Variants in HGFAC observed in about 807,000 individuals in gnomAD.
HGFAC encodes hepatocyte growth factor activator serine protease.
Under a neutral mutation model 70.6 loss-of-function variants are expected in HGFAC, and 76 were observed. That is an observed-to-expected ratio of 1.08 (90% CI 0.89 to 1.30). HGFAC has a LOEUF of 1.30. HGFAC is among the 50% of genes most tolerant of loss of function. HGFAC has a pLI of 0.00. For synonymous variants in HGFAC, 464 were observed against 405.3 expected, an observed-to-expected ratio of 1.14 and a Z score of -1.74; for missense variants, 1,044 against 933.7, an observed-to-expected ratio of 1.12 and a Z score of -1.54.
rs754747260 is a variant in HGFAC, at chr4:3,448,253, G to A, written c.1762G>A (p.Asp588Asn). Reference sequence around the variant, plus strand: ...CAACATGCTCTGTGCCGGCTACTTCGACTGCAAGTCCGACGCCTGCCAGGT... The same window carrying A: ...CAACATGCTCTGTGCCGGCTACTTCAACTGCAAGTCCGACGCCTGCCAGGT... Reference protein sequence around the residue: ...SPNMLCAGYFDCKSDACQGDS... With the variant: ...SPNMLCAGYFNCKSDACQGDS... The change falls in exon 13 of 14, where the codon GAC becomes AAC. Residue 588 changes from aspartate to asparagine, a missense_variant. Asp to Asn is a conservative substitution (Grantham distance 23). Coordinates refer to ENST00000382774, the MANE Select transcript of HGFAC (RefSeq NM_001528.4). 5.0e-6 allele frequency: 8 copies of A among 1,606,576 alleles called. No homozygotes were observed. The highest frequency in any genetic ancestry group is 1.7e-5 in the Admixed American group (1 of 59,728).
rs780853328 is a variant in HGFAC at position 3,444,808 on chromosome 4, T to C, written c.842-11T>C. ...CACCGTGGGCCGGCCTCACTGCCCC[T>C]CTGCCCGCAGAGCCTGATGAGCGCT... On this transcript the variant is annotated splice_polypyrimidine_tract_variant and intron_variant, in intron 7 of 13. Transcript: ENST00000382774. 3 of 1,587,076 alleles carry C rather than the reference T, an allele frequency of 1.9e-6. No individual in the cohort carries two copies. In the Admixed American group the frequency reaches 5.1e-5, roughly 27 times the overall value.
chr4:3,446,422 C>G (rs1725518071), intron 10 of HGFAC, 128 bp downstream of exon 10: 2 of 1,218,542 alleles, frequency 1.6e-6, no homozygotes, highest in Admixed American at 2.4e-5. Flanking sequence ...CCCGGGGTCC[C>G]CGGTAACCCT....
Position 3,442,866 on chromosome 4 carries a change from GC to G in HGFAC, c.257del (p.Pro86ArgfsTer161), listed in dbSNP as rs777946425. Reference protein sequence around the residue: ...AEGPQSGGLPPPPRAVPSSSS... With the variant: ...AEGPQSGGLPXPPRAVPSSSS... The stretch of plus-strand genomic sequence containing the variant: ...AGGGACCCCAAAGTGGGGGGCTCCC[GC>G]CCCCGCCCAGGGCAGTTCCCTCGAG... On this transcript the variant is annotated frameshift_variant, in exon 2 of 14. Coordinates refer to ENST00000382774, the MANE Select transcript of HGFAC (RefSeq NM_001528.4). LOFTEE classifies it high-confidence loss of function. 1.9e-6 allele frequency: 3 copies of G among 1,569,762 alleles called. No individual in the cohort carries two copies. The highest frequency in any genetic ancestry group is 2.6e-6 in the Non-Finnish European group (3 of 1,162,616).
intron 13 of HGFAC, 35 bp from the exon 14 acceptor site, chr4:3,449,202 C>T: frequency 6.3e-7 from 1 of 1,593,160 alleles, no homozygotes; most frequent in Non-Finnish European, 8.6e-7. Flanking sequence ...AACCAGGCCC[C>T]TGGGAGGGTG....
Position 3,445,356 on chromosome 4 carries a change from C to T in HGFAC, c.1102+6C>T, listed in dbSNP as rs371424887. ...CTGCCGCCTGGAGGCCTGCGGTGCGCGGCTGGCGGGGGGTGCTGCCTTGGG... is the reference window on the plus strand; with the variant it reads ...CTGCCGCCTGGAGGCCTGCGGTGCGTGGCTGGCGGGGGGTGCTGCCTTGGG... On this transcript the variant is annotated splice_donor_region_variant and intron_variant, in intron 9 of 13. Transcript: ENST00000382774. The T allele has an allele frequency of 1.2e-4, 186 of 1,560,526 alleles. 1 individual carries two copies. The highest frequency in any genetic ancestry group is 3.5e-4 in the Middle Eastern group (2 of 5,662).
In HGFAC at chr4:3,444,610, G is replaced by T; in HGVS notation, c.731-13G>T. ...GCGCGGCCCCTGGCCCAGCTCCTCGGCCCTGCCCCCAGCTTGTCTGAGCAG... is the reference window on the plus strand; with the variant it reads ...GCGCGGCCCCTGGCCCAGCTCCTCGTCCCTGCCCCCAGCTTGTCTGAGCAG... On this transcript the variant is annotated splice_polypyrimidine_tract_variant and intron_variant, in intron 6 of 13. Coordinates refer to ENST00000382774, the MANE Select transcript of HGFAC (RefSeq NM_001528.4). 1.9e-6 allele frequency: 3 copies of T among 1,581,760 alleles called. No homozygotes were observed. Among genetic ancestry groups the T allele is most frequent in the Admixed American group, 1.7e-5 (1 of 57,604 alleles).
chr4:3,441,967 C>G (rs567227209), upstream of HGFAC: 44 of 1,267,478 alleles, frequency 3.5e-5, no homozygotes, highest in African/African-American at 5.5e-4. This position sits in a 1 kb window ranked among gnomAD's most constrained non-coding sequence, Gnocchi z 6.0. Flanking sequence ...GCTCTGCTCC[C>G]GCCTCCCACT....
intron 9 of HGFAC, chr4:3,445,690 G>C (rs1430615559): frequency 2.1e-5 from 13 of 628,862 alleles, no homozygotes; most frequent in Middle Eastern, 8.5e-4. Context: ...CTGCCCTGGG[G>C]AGAGGCCCCC....
At chr4:3,443,940 T>C in intron 4 of HGFAC, 99 bp from the exon 5 acceptor site, 1 of 1,344,408 alleles carries the variant, frequency 7.4e-7, no homozygotes, top group African/African-American at 1.5e-5. Flanking sequence ...TCAGAGCCCC[T>C]CACTGGGGCC....
Position 3,444,637 on chromosome 4 carries a change from C to T in HGFAC, c.745C>T (p.Pro249Ser), listed in dbSNP as rs572881378. Residue 249 changes from proline (P) to serine (S), a missense_variant, in exon 7 of 14, where the codon CCT becomes TCT. Coordinates refer to ENST00000382774, the MANE Select transcript of HGFAC (RefSeq NM_001528.4). The part of the protein sequence containing the change: ...GTRHTACLSS[P>S]CLNGGTCHLI... Reference sequence around the variant, plus strand: ...CCTGCCCCCAGCTTGTCTGAGCAGCCCTTGCCTGAACGGGGGCACCTGCCA... The same window carrying T: ...CCTGCCCCCAGCTTGTCTGAGCAGCTCTTGCCTGAACGGGGGCACCTGCCA... 2.5e-6 allele frequency: 4 copies of T among 1,596,404 alleles called. No individual in the cohort carries two copies. The highest frequency in any genetic ancestry group is 3.4e-5 in the Admixed American group (2 of 59,382).
intron 10 of HGFAC, among the ~76,000 whole-genome samples, chr4:3,446,758 G>A (rs1725526755): frequency 6.6e-6 from 1 of 152,292 alleles, no homozygotes. Flanking sequence ...CACACTCTGG[G>A]AGGCGGGCCT....
intron 9 of HGFAC, 74 bp downstream of exon 9, chr4:3,445,424 C>T: frequency 2.1e-5 from 21 of 1,019,870 alleles, no homozygotes; most frequent in Non-Finnish European, 3.2e-5. Flanking sequence ...TCCTCCTAGC[C>T]CCTCCGCACA....
Position 3,449,325 on chromosome 4 carries a change from T to TCCACAAGC in HGFAC, c.1876_1883dup (p.Gly629ThrfsTer46). The TCCACAAGC allele has an allele frequency of 6.2e-7, 1 of 1,611,918 alleles. No homozygotes were observed. The highest frequency in any genetic ancestry group is 8.5e-7 in the Non-Finnish European group (1 of 1,179,446). On this transcript the variant is annotated frameshift_variant, in exon 14 of 14. Coordinates refer to ENST00000382774, the MANE Select transcript of HGFAC (RefSeq NM_001528.4). LOFTEE classifies it low-confidence loss of function (END_TRUNC). Reference sequence around the variant, plus strand: ...AGCTGGGGTGACGGCTGCGGGCGGCTCCACAAGCCGGGGGTCTACACCCGC... The same window carrying TCCACAAGC: ...AGCTGGGGTGACGGCTGCGGGCGGCTCCACAAGCCCACAAGCCGGGGGTCTACACCCGC...
chr4:3,444,298 G>A lies in HGFAC; in HGVS notation c.599-13G>A, dbSNP rs372484613. The A allele has an allele frequency of 1.2e-4, 191 of 1,581,592 alleles. 2 individuals are homozygous for A. In the Middle Eastern group the frequency reaches 1.8e-3, roughly 15 times the overall value. On this transcript the variant is annotated splice_polypyrimidine_tract_variant and intron_variant, in intron 5 of 13. Transcript: ENST00000382774. The stretch of plus-strand genomic sequence containing the variant: ...AGGTGGCAGGGTGTGAGGGCTTACT[G>A]TGCACCCCTCAGAGAAATGCTTTGA...
At position 3,444,628 on chromosome 4, in the gene HGFAC, C is replaced by A; in HGVS notation, c.736C>A (p.Leu246Met). Residue 246 changes from leucine (L) to methionine (M), a missense_variant, in exon 7 of 14, where the codon CTG (leucine) becomes ATG (methionine). Physicochemically the swap from Leu to Met is conservative, Grantham distance 15. Transcript: ENST00000382774. ...CTCCTCGGCCCTGCCCCCAGCTTGT[C>A]TGAGCAGCCCTTGCCTGAACGGGGG... ...WCEGTRHTAC[L>M]SSPCLNGGTC... 1 of 1,593,844 alleles carries A rather than the reference C, an allele frequency of 6.3e-7. No homozygotes were observed.
At position 3,442,104 on chromosome 4, in the gene HGFAC, C is replaced by A; in HGVS notation, c.103C>A (p.Pro35Thr). The A allele has an allele frequency of 1.3e-6, 2 of 1,560,820 alleles. No homozygotes were observed. Among genetic ancestry groups the A allele is most frequent in the Non-Finnish European group, 1.7e-6 (2 of 1,164,714 alleles). ...GCTGCTGCTGCCACGGGGGTTCCAG[C>A]CCCAGCCTGGCGGGGTGAGCACTGA... is the stretch of plus-strand genomic sequence containing the variant. ...LLLLLPRGFQ[P>T]QPGGNRTESP... Residue 35 changes from proline (P) to threonine (T), a missense_variant, in exon 1 of 14, where the codon CCC becomes ACC. By Grantham distance (38) the Pro-to-Thr change is conservative. Coordinates refer to ENST00000382774, the MANE Select transcript of HGFAC (RefSeq NM_001528.4).
Position 3,445,301 on chromosome 4 carries a change from G to A in HGFAC, c.1053G>A (p.Val351=). 6.3e-7 allele frequency: 1 copy of A among 1,589,388 alleles called. No homozygotes were observed. ...ATGACGAGAGGCCCTGGTGCTACGT[G>A]GTGAAGGACAGCGCGCTCTCCTGGG... ...PDNDERPWCY[V]VKDSALSWEY... The change falls in exon 9 of 14, where the codon GTG becomes GTA. Residue 351 remains valine (V), a synonymous_variant. Coordinates refer to ENST00000382774, the MANE Select transcript of HGFAC (RefSeq NM_001528.4).
Position 3,444,693 on chromosome 4 carries a change from T to C in HGFAC, c.801T>C (p.Cys267=). 2 of 1,597,668 alleles carry C rather than the reference T, an allele frequency of 1.3e-6. No homozygotes were observed. Among genetic ancestry groups the C allele is most frequent in the African/African-American group, 1.3e-5 (1 of 74,986 alleles). ...TCGTGGCCACCGGGACCACCGTGTG[T>C]GCCTGCCCACCAGGCTTCGCTGGAC... ...HLIVATGTTV[C]ACPPGFAGRL... The change falls in exon 7 of 14, where the codon TGT becomes TGC. Residue 267 remains cysteine, a synonymous_variant. Coordinates refer to ENST00000382774, the MANE Select transcript of HGFAC (RefSeq NM_001528.4).
intron 11 of HGFAC, 120 bp downstream of exon 11, chr4:3,447,751 C>A: frequency 6.6e-7 from 1 of 1,518,922 alleles, no homozygotes; most frequent in Non-Finnish European, 9.0e-7. Context: ...GGGGGCAGGG[C>A]AGGGAGGACA....
Sources: allele counts gnomAD v4.1 joint callset (sites outside exome capture counted in the v4.1 genomes callset), GRCh38; gene constraint gnomAD v4.1.1; non-coding constraint Gnocchi (gnomAD v3.1); transcripts MANE v1.5; gene names NCBI Gene and HGNC (gene_info 2026-07-23, HGNC 2026-07-21).